The following DNAH17 variants were observed in gnomAD, a reference collection of about 807,000 sequenced individuals.
DNAH17 encodes the protein axonemal beta dynein heavy chain 17.
A neutral mutation model predicts 485.6 loss-of-function variants in DNAH17; 376 were observed. That is an observed-to-expected ratio of 0.77 (90% confidence interval 0.71 to 0.84). The LOEUF (loss-of-function observed/expected upper bound fraction) is 0.84, where lower values mean the gene tolerates loss of function less well. DNAH17 is among the 40% of genes least tolerant of loss of function. The pLI, the probability that DNAH17 is intolerant of heterozygous loss-of-function variation, is 0.00. For synonymous variants in DNAH17, 3,031 were observed against 2,405.9 expected (o/e 1.26, Z -7.60); for missense variants, 6,370 against 5,839.3 (o/e 1.09, Z -2.96).
At chr17:78,557,068 C>T (rs1435331262) in intron 14 of DNAH17, among the ~76,000 whole-genome samples, 1 of 152,138 alleles carries the variant, frequency 6.6e-6, no homozygotes, top group Non-Finnish European at 1.5e-5. Flanking sequence ...CAAAGTCAAC[C>T]TCTTGATTAC....
rs1396772294 is a variant in DNAH17 at position 78,534,164 on chromosome 17, T to TCC, written c.2860-1430_2860-1429dup. Among the ~76,000 whole-genome samples, 3 of 152,196 alleles carry TCC rather than the reference T, an allele frequency of 2.0e-5. No individual in the cohort carries two copies. The East Asian group carries it at 5.8e-4, about 29-fold the overall frequency. On this transcript the variant is annotated intron_variant, in intron 19 of 80. Transcript: ENST00000389840. ...CCAACTCTCACACCAAGCCAGTATTTCCCCTGCCCTAAATCACCCAGGGTC... is the reference window on the plus strand; with the variant it reads ...CCAACTCTCACACCAAGCCAGTATTTCCCCCCTGCCCTAAATCACCCAGGGTC...
rs753280859 is a variant in DNAH17 at position 78,485,588 on chromosome 17, A to G, written c.7445T>C (p.Val2482Ala). The G allele has an allele frequency of 2.5e-6, 4 of 1,613,524 alleles. No homozygotes were observed. In the East Asian group the frequency reaches 8.9e-5, roughly 36 times the overall value. Residue 2482 changes from valine to alanine, a missense_variant, in exon 47 of 81, where the codon GTG becomes GCG. Val to Ala is a moderately conservative substitution (Grantham distance 64). Transcript: ENST00000389840. Reference sequence around the variant, plus strand: ...TGAGGTCGTGTAGAAGTTGAAGGGCACAGCCTGCACCAGGTAGTTGTCCGT... The same window carrying G: ...TGAGGTCGTGTAGAAGTTGAAGGGCGCAGCCTGCACCAGGTAGTTGTCCGT... ...LNTDNYLVQAVPFNFYTTSAM... is the reference protein window; with the variant it reads ...LNTDNYLVQAAPFNFYTTSAM...
At chr17:78,490,271 C>T in intron 44 of DNAH17, among the ~76,000 whole-genome samples, 1 of 152,214 alleles carries the variant, frequency 6.6e-6, no homozygotes, top group South Asian at 2.1e-4. Flanking sequence ...GAGAACCCGA[C>T]CACTGCCCAT....
At chr17:78,541,681 T>TC (rs1245284868) in intron 17 of DNAH17, among the ~76,000 whole-genome samples, 1 of 151,996 alleles carries the variant, frequency 6.6e-6, no homozygotes, top group Non-Finnish European at 1.5e-5. Context: ...CCTCTTAGGC[T>TC]CCTGTCCCTG....
At chr17:78,446,497 C>A (rs1362670295) in intron 69 of DNAH17, among the ~76,000 whole-genome samples, 1 of 152,304 alleles carries the variant, frequency 6.6e-6, no homozygotes, top group South Asian at 2.1e-4. Flanking sequence ...TGTGTCAGAA[C>A]CTCCTTCCTC....
chr17:78,438,502 T>G (rs1436073872), intron 73 of DNAH17, among the ~76,000 whole-genome samples: 1 of 130,228 alleles, frequency 7.7e-6, no homozygotes, highest in Non-Finnish European at 1.6e-5. Flanking sequence ...GTCATCTTTT[T>G]TTTTTATTTT....
rs751756576 is a variant in DNAH17, at chr17:78,445,678, G to C, written c.11214C>G (p.Val3738=). The C allele has an allele frequency of 8.8e-6, 14 of 1,589,764 alleles. No homozygotes were observed. The Admixed American group carries it at 2.1e-4, about 24-fold the overall frequency. ...LIFLAQVTFQ[V]LSMKKELNPV... is the part of the protein sequence containing the mutation. Reference sequence around the variant, plus strand: ...GGTTCAGCTCCTTCTTCATGGACAGGACCTGGGGGAACATCGAGGTGTACA... The same window carrying C: ...GGTTCAGCTCCTTCTTCATGGACAGCACCTGGGGGAACATCGAGGTGTACA... Residue 3738 remains valine (V), a splice_region_variant and synonymous_variant, in exon 70 of 81, where the codon GTC becomes GTG. Coordinates refer to ENST00000389840, the MANE Select transcript of DNAH17 (RefSeq NM_173628.4).
intron 46 of DNAH17, 86 bp downstream of exon 46, chr17:78,485,874 G>C (rs2089584165): frequency 6.4e-7 from 1 of 1,573,112 alleles, no homozygotes; most frequent in African/African-American, 1.3e-5. Flanking sequence ...GTTGTGTTTG[G>C]ACATTCCGTG....
chr17:78,469,953 T>C (rs1373317269), intron 54 of DNAH17, among the ~76,000 whole-genome samples: 2 of 152,042 alleles, frequency 1.3e-5, no homozygotes, highest in African/African-American at 4.8e-5. Flanking sequence ...GAGACAGAGC[T>C]TCTGTTTGGG....
chr17:78,443,701 C>G (rs2087160598), intron 71 of DNAH17, among the ~76,000 whole-genome samples: 1 of 152,210 alleles, frequency 6.6e-6, no homozygotes, highest in Non-Finnish European at 1.5e-5. Context: ...AGGAGCCCGC[C>G]ACCGCGCCCT....
At chr17:78,530,125 G>A (rs2091190451) in intron 21 of DNAH17, among the ~76,000 whole-genome samples, 1 of 152,248 alleles carries the variant, frequency 6.6e-6, no homozygotes, top group African/African-American at 2.4e-5. Context: ...CAGAGCAGGT[G>A]CTCGGTACAC....
At chr17:78,461,752 C>G (rs780267975) in intron 57 of DNAH17, 44 bp from the exon 58 acceptor site, 1 of 1,572,204 alleles carries the variant, frequency 6.4e-7, no homozygotes. Flanking sequence ...GGGCCGCAGC[C>G]GACACACGCC....
intron 69 of DNAH17, among the ~76,000 whole-genome samples, chr17:78,448,702 T>A (rs1330781088): frequency 6.6e-6 from 1 of 152,188 alleles, no homozygotes; most frequent in Non-Finnish European, 1.5e-5. Context: ...GAGAGGCAGT[T>A]GGGCCGTGAC....
At chr17:78,505,568 C>T (rs2146736777) in intron 30 of DNAH17, 123 bp from the exon 31 acceptor site, 1 of 1,250,402 alleles carries the variant, frequency 8.0e-7, no homozygotes, top group South Asian at 1.4e-5. Flanking sequence ...CATCTTTGAT[C>T]AACGTTGACT....
At chr17:78,459,754 C>A in intron 60 of DNAH17, 30 bp downstream of exon 60, 6 of 1,611,768 alleles carry the variant, frequency 3.7e-6, no homozygotes, top group Non-Finnish European at 5.1e-6. Context: ...CGGAGGGAAG[C>A]CCCGGCTACG....
At chr17:78,475,637 C>T (rs546558642) in intron 53 of DNAH17, 32 bp downstream of exon 53, 42 of 1,611,152 alleles carry the variant, frequency 2.6e-5, no homozygotes, top group South Asian at 1.8e-4. Context: ...GTCCAGGTCC[C>T]GTGCCCTTGC....
chr17:78,561,588 C>CTA, intron 12 of DNAH17, 127 bp downstream of exon 12: 1 of 1,204,342 alleles, frequency 8.3e-7, no homozygotes, highest in East Asian at 2.6e-5. Flanking sequence ...CTCTTCTGGG[C>CTA]TTTTGCTCTG....
chr17:78,459,545 T>A (rs1240304279), intron 60 of DNAH17, among the ~76,000 whole-genome samples: 1 of 152,246 alleles, frequency 6.6e-6, no homozygotes, highest in Admixed American at 6.5e-5. Flanking sequence ...TCAGCTGCTC[T>A]CACAGGTGCT....
At chr17:78,512,437 T>C (rs2090658745) in intron 26 of DNAH17, among the ~76,000 whole-genome samples, 1 of 152,184 alleles carries the variant, frequency 6.6e-6, no homozygotes, top group Non-Finnish European at 1.5e-5. Flanking sequence ...TCACTAAATA[T>C]CTCCTGCACT....
Sources: gnomAD v4.1 joint callset for allele counts (sites outside exome capture counted in the v4.1 genomes callset) on GRCh38, gnomAD v4.1.1 for gene constraint, MANE v1.5 for transcripts, NCBI Gene and HGNC (gene_info 2026-07-23, HGNC 2026-07-21) for gene names.